Variants in ADCY2 observed in about 807,000 individuals in gnomAD.
The protein encoded by ADCY2 is adenylate cyclase 2.
A neutral mutation model predicts 125.2 loss-of-function variants in ADCY2; 31 were observed. That is an observed-to-expected ratio of 0.25 (90% confidence interval 0.19 to 0.33). ADCY2 has a LOEUF of 0.33. Among genes scored for constraint, ADCY2 ranks in the 10% least tolerant of loss-of-function variants. The probability of loss-of-function intolerance (pLI) is 1.00; values close to 1 mark genes in which losing one functional copy is unlikely to be tolerated. For synonymous variants in ADCY2, 512 were observed against 548.4 expected, an observed-to-expected ratio of 0.93 and a Z score of 0.93; for missense variants, 904 against 1,418.2, an observed-to-expected ratio of 0.64 and a Z score of 5.82.
intron 4 of ADCY2, among the ~76,000 whole-genome samples, chr5:7,634,505 A>T (rs548384999): frequency 1.3e-5 from 2 of 152,296 alleles, no homozygotes; most frequent in East Asian, 3.9e-4. Flanking sequence ...ATTCCCCCCA[A>T]AGACTAACGT....
At chr5:7,823,608 C>G (rs536094895) in intron 24 of ADCY2, among the ~76,000 whole-genome samples, 1 of 152,284 alleles carries the variant, frequency 6.6e-6, no homozygotes, top group East Asian at 1.9e-4. Context: ...GGAAGAGAGG[C>G]CTGCCCCTAC....
At chr5:7,710,409 T>C (rs1172209671) in intron 10 of ADCY2, among the ~76,000 whole-genome samples, 1 of 152,136 alleles carries the variant, frequency 6.6e-6, no homozygotes, top group Non-Finnish European at 1.5e-5. Context: ...AATAAATAAA[T>C]GAACAAGATC....
At chr5:7,711,334 A>C (rs1579344178) in intron 10 of ADCY2, among the ~76,000 whole-genome samples, 1 of 152,282 alleles carries the variant, frequency 6.6e-6, no homozygotes, top group Middle Eastern at 3.4e-3. Flanking sequence ...CTCATGAAAA[A>C]CAGTAATTTG....
intron 2 of ADCY2, among the ~76,000 whole-genome samples, chr5:7,476,967 T>G (rs554765344): frequency 6.6e-6 from 1 of 152,332 alleles, no homozygotes; most frequent in East Asian, 1.9e-4. Flanking sequence ...CTTGCTTTTC[T>G]TTGACACCTA....
chr5:7,502,691 G>A (rs1743639864), intron 2 of ADCY2, among the ~76,000 whole-genome samples: 1 of 152,206 alleles, frequency 6.6e-6, no homozygotes, highest in Admixed American at 6.5e-5. Flanking sequence ...TTCTCTTCCA[G>A]GATAATTTGC....
chr5:7,558,882 G>T (rs572343544), intron 3 of ADCY2, among the ~76,000 whole-genome samples: 2 of 152,092 alleles, frequency 1.3e-5, no homozygotes, highest in Non-Finnish European at 2.9e-5. Context: ...AAGGGGTCTG[G>T]TTTCAATCTT....
intron 3 of ADCY2, among the ~76,000 whole-genome samples, chr5:7,549,570 A>T (rs1735258819): frequency 6.6e-6 from 1 of 152,188 alleles, no homozygotes; most frequent in Admixed American, 6.5e-5. Flanking sequence ...TTCACAAGCA[A>T]GTGCTCATTT....
intron 4 of ADCY2, among the ~76,000 whole-genome samples, chr5:7,670,326 G>A (rs13176092): frequency 0.39 from 59,000 of 151,982 alleles, 13,149 homozygotes; most frequent in East Asian, 0.83. Flanking sequence ...AGCCCGAGCC[G>A]ATGGGACTGA....
intron 2 of ADCY2, among the ~76,000 whole-genome samples, chr5:7,505,670 C>T (rs970395794): frequency 1.4e-4 from 21 of 152,188 alleles, no homozygotes; most frequent in Non-Finnish European, 2.6e-4. Flanking sequence ...GAAAAGCAAA[C>T]AAAGGCATTT....
intron 2 of ADCY2, among the ~76,000 whole-genome samples, chr5:7,460,019 C>G (rs531978715): frequency 5.5e-4 from 83 of 151,804 alleles, no homozygotes; most frequent in Non-Finnish European, 9.0e-4. Flanking sequence ...ATCTCCTGAC[C>G]TCGCGATCCA....
intron 15 of ADCY2, among the ~76,000 whole-genome samples, chr5:7,756,688 C>G (rs919735643): frequency 1.3e-5 from 2 of 151,934 alleles, no homozygotes; most frequent in African/African-American, 4.8e-5. Flanking sequence ...GAGGGAGGAA[C>G]GGGGAGTTGT....
Position 7,757,508 on chromosome 5 carries a change from T to C in ADCY2, c.2016T>C (p.Ile672=), listed in dbSNP as rs1743034345. The change falls in exon 16 of 25, where the codon ATT becomes ATC. Residue 672 remains isoleucine (I), a synonymous_variant. Transcript: ENST00000338316. The part of the protein sequence containing the change: ...LMWLLKSSGI[I]ANRPWPRISL... ...GGCTTTTGAAGTCCTCGGGCATCAT[T>C]GCCAACCGCCCCTGGCCACGGATCT... 3 of 1,613,976 alleles carry C rather than the reference T, an allele frequency of 1.9e-6. No homozygotes were observed. In the African/African-American group the frequency reaches 4.0e-5, roughly 22 times the overall value.
chr5:7,773,075 C>T lies in ADCY2; in HGVS notation c.2358C>T (p.Gly786=), dbSNP rs143960974. ...TCCACACCCACGCCCACGTCCTGGGCGACTACAGCCAGGTCTTATTTGAGA... is the reference window on the plus strand; with the variant it reads ...TCCACACCCACGCCCACGTCCTGGGTGACTACAGCCAGGTCTTATTTGAGA... ...ILLHTHAHVL[G]DYSQVLFERP... Residue 786 remains glycine, a synonymous_variant, in exon 18 of 25, where the codon GGC becomes GGT. Coordinates refer to ENST00000338316, the MANE Select transcript of ADCY2 (RefSeq NM_020546.3). 3.1e-5 allele frequency: 50 copies of T among 1,614,032 alleles called. No homozygotes were observed. Among genetic ancestry groups the T allele is most frequent in the African/African-American group, 2.4e-4 (18 of 75,044 alleles).
intron 3 of ADCY2, among the ~76,000 whole-genome samples, chr5:7,573,593 C>CTTTTT (rs763347773): frequency 3.6e-4 from 31 of 86,352 alleles, no homozygotes; most frequent in Non-Finnish European, 4.1e-4. Context: ...GGTTGATTTT[C>CTTTTT]TTTTTTTTTT....
At chr5:7,432,883 A>G (rs1579438567) in intron 2 of ADCY2, among the ~76,000 whole-genome samples, 1 of 152,372 alleles carries the variant, frequency 6.6e-6, no homozygotes, top group Admixed American at 6.5e-5. Context: ...AAACTCATCA[A>G]ATTGTACAAT....
chr5:7,524,077 A>G (rs541503163), intron 3 of ADCY2, among the ~76,000 whole-genome samples: 15 of 152,286 alleles, frequency 9.8e-5, no homozygotes, highest in African/African-American at 3.6e-4. Context: ...CGGGAAATTC[A>G]TTTTACCAGC....
At chr5:7,660,574 A>G (rs550783310) in intron 4 of ADCY2, among the ~76,000 whole-genome samples, 52 of 152,300 alleles carry the variant, frequency 3.4e-4, no homozygotes, top group African/African-American at 1.2e-3. Context: ...GTTGGAGAGT[A>G]AGTTAAGAGT....
At chr5:7,755,063 T>C (rs534628668) in intron 15 of ADCY2, among the ~76,000 whole-genome samples, 65 of 152,200 alleles carry the variant, frequency 4.3e-4, no homozygotes, top group Non-Finnish European at 7.5e-4. Flanking sequence ...GACATCTTGC[T>C]GCATGACAGA....
chr5:7,711,324 C>G (rs1330389399), intron 10 of ADCY2, among the ~76,000 whole-genome samples: 2 of 152,212 alleles, frequency 1.3e-5, no homozygotes, highest in Non-Finnish European at 2.9e-5. Context: ...GTTTCTGTCA[C>G]TCATGAAAAA....
Sources: gnomAD v4.1 joint callset for allele counts (sites outside exome capture counted in the v4.1 genomes callset) on GRCh38, gnomAD v4.1.1 for gene constraint, MANE v1.5 for transcripts, NCBI Gene and HGNC (gene_info 2026-07-23, HGNC 2026-07-21) for gene names.